The following ITLN2 variants were observed in gnomAD, a reference collection of about 807,000 sequenced individuals.
ITLN2 encodes intelectin-2.
Under a neutral mutation model 39.4 loss-of-function variants are expected in ITLN2, and 29 were observed. The observed-to-expected ratio is 0.74, with a 90% CI of 0.55 to 1.00. The LOEUF (loss-of-function observed/expected upper bound fraction) is 1.00, where lower values mean the gene tolerates loss of function less well. Ranked by LOEUF, ITLN2 falls within the 50% of genes least tolerant of loss-of-function variation. ITLN2 has a pLI of 0.00. For missense variants in ITLN2, 412 were observed against 416.7 expected (o/e 0.99, Z 0.10); for synonymous variants, 156 against 153.4 (o/e 1.02, Z -0.12).
intron 6 of ITLN2, chr1:160,948,899 G>A (rs943922192): frequency 3.3e-5 from 5 of 152,218 alleles, no homozygotes; most frequent in African/African-American, 7.2e-5. Flanking sequence ...AAAAGAAAGA[G>A]ACACAGCGAC....
chr1:160,946,974 T>A (rs180910912), intron 7 of ITLN2, among the ~76,000 whole-genome samples: 1 of 151,970 alleles, frequency 6.6e-6, no homozygotes, highest in African/African-American at 2.4e-5. Flanking sequence ...AGAAAAGAAA[T>A]AAGACACAGA....
At chr1:160,951,424 TC>T in intron 3 of ITLN2, 134 bp from the exon 4 acceptor site, 1 of 1,201,424 alleles carries the variant, frequency 8.3e-7, no homozygotes, top group Non-Finnish European at 1.2e-6. Context: ...AAGACGATGC[TC>T]CATGCATCTT....
At chr1:160,950,291 C>A in intron 5 of ITLN2, 125 bp from the exon 6 acceptor site, 1 of 1,079,348 alleles carries the variant, frequency 9.3e-7, no homozygotes, top group Admixed American at 2.2e-5. Flanking sequence ...GACTGCTTTT[C>A]CCCATAGCTG....
chr1:160,954,473 AG>A (rs1246273185), intron 1 of ITLN2, 23 bp from the exon 2 acceptor site: 2 of 1,557,630 alleles, frequency 1.3e-6, no homozygotes, highest in Non-Finnish European at 1.7e-6. Flanking sequence ...AAGATGCACA[AG>A]GTCACTGGCT....
At position 160,950,230 on chromosome 1, in the gene ITLN2, G is replaced by T. The variant is rs144795799; in HGVS notation, c.601-64C>A. 1,157 of 1,568,810 alleles carry T rather than the reference G, an allele frequency of 7.4e-4. 10 individuals carry two copies. In the African/African-American group the frequency reaches 0.014, roughly 18 times the overall value. On this transcript the variant is annotated intron_variant, in intron 5 of 7. Coordinates refer to ENST00000368029, the MANE Select transcript of ITLN2 (RefSeq NM_080878.3). ...GAGATGCTGCCACAGTGTGGGGGGA[G>T]GAGGGGTTTCAAATTAACTGCCATT... is the stretch of plus-strand genomic sequence containing the variant.
rs1056192888 is a variant in ITLN2 at position 160,945,126 on chromosome 1, C to T, written c.*14G>A. On this transcript the variant is annotated 3_prime_UTR_variant, in exon 8 of 8. Coordinates refer to ENST00000368029, the MANE Select transcript of ITLN2 (RefSeq NM_080878.3). ...GGAAGATGGGTTCTCGCCCTGACAC[C>T]GCAGAGCTCTGTCTCATCTATAGAA... 1.9e-5 allele frequency: 29 copies of T among 1,562,118 alleles called. No individual in the cohort carries two copies. Among genetic ancestry groups the T allele is most frequent in the Non-Finnish European group, 2.2e-5 (26 of 1,164,550 alleles).
chr1:160,950,498 C>T (rs769320816), intron 5 of ITLN2, 55 bp downstream of exon 5: 6 of 1,584,538 alleles, frequency 3.8e-6, no homozygotes, highest in Admixed American at 3.4e-5. Context: ...CTACCCTAGA[C>T]ACTTCGATCT....
In ITLN2 at chr1:160,947,984, C is replaced by G. The variant is rs373894051; in HGVS notation, c.770G>C (p.Arg257Thr). ...CCCAGCACAAAGGGCGTTGGCTGCT[C>G]TCTCGTTATTAAACACCCGGAACTG... ...FVQFRVFNNERAANALCAGIK... is the reference protein window; with the variant it reads ...FVQFRVFNNETAANALCAGIK... Residue 257 changes from arginine to threonine, a missense_variant, in exon 7 of 8, where the codon AGA (arginine) becomes ACA (threonine). Coordinates refer to ENST00000368029, the MANE Select transcript of ITLN2 (RefSeq NM_080878.3). 5.0e-5 allele frequency: 81 copies of G among 1,614,018 alleles called. 1 individual carries two copies. Among genetic ancestry groups the G allele is most frequent in the Non-Finnish European group, 5.3e-5 (63 of 1,180,042 alleles).
At chr1:160,949,305 C>G (rs948202708) in intron 6 of ITLN2, 4 of 152,172 alleles carry the variant, frequency 2.6e-5, no homozygotes, top group African/African-American at 9.7e-5. Context: ...AAGACAGATG[C>G]CTTCCTCTTA....
chr1:160,948,757 G>A (rs6694743), intron 6 of ITLN2: 94,863 of 151,966 alleles, frequency 0.62, 30,349 homozygotes, highest in East Asian at 0.74. Flanking sequence ...CTCCCGAGGA[G>A]CTGGGATTAC....
At chr1:160,945,830 C>T (rs1460486847) in intron 7 of ITLN2, among the ~76,000 whole-genome samples, 1 of 152,092 alleles carries the variant, frequency 6.6e-6, no homozygotes, top group Non-Finnish European at 1.5e-5. Context: ...AATCTCCCAC[C>T]ACTACAACTG....
chr1:160,954,686 T>C, intron 1 of ITLN2, 41 bp downstream of exon 1: 1 of 1,610,588 alleles, frequency 6.2e-7, no homozygotes, highest in Non-Finnish European at 8.5e-7. Context: ...TGAGCTGGCA[T>C]CATTGCTCCC....
chr1:160,947,916 C>A lies in ITLN2; in HGVS notation c.825+13G>T. On this transcript the variant is annotated intron_variant, in intron 7 of 7. Transcript: ENST00000368029. ...TCCCCACACGTGGGCCATTGATCTC[C>A]CCAAAAACTCACATGCTCAGTGTTA... 6.3e-7 allele frequency: 1 copy of A among 1,590,858 alleles called. No homozygotes were observed. Among genetic ancestry groups the A allele is most frequent in the Non-Finnish European group, 8.6e-7 (1 of 1,158,966 alleles).
rs369638611 is a variant in ITLN2, at chr1:160,945,295, G to A, written c.826-3C>T. The A allele has an allele frequency of 4.5e-6, 7 of 1,546,928 alleles. No homozygotes were observed. The highest frequency in any genetic ancestry group is 6.1e-6 in the Non-Finnish European group (7 of 1,156,994). ...AACCCTCCTCCACCGATGCAGTGCT[G>A]GGAAACAGAAAGAAGAAACACTGTG... On this transcript the variant is annotated splice_polypyrimidine_tract_variant and splice_region_variant and intron_variant, in intron 7 of 7. Coordinates refer to ENST00000368029, the MANE Select transcript of ITLN2 (RefSeq NM_080878.3).
chr1:160,945,426 T>A, intron 7 of ITLN2, 134 bp from the exon 8 acceptor site: 1 of 713,292 alleles, frequency 1.4e-6, no homozygotes, highest in Non-Finnish European at 2.2e-6. Flanking sequence ...GGATTACAGG[T>A]GTGAGCTACC....
intron 2 of ITLN2, 45 bp downstream of exon 2, chr1:160,954,342 G>A (rs1401198964): frequency 1.4e-6 from 2 of 1,394,812 alleles, no homozygotes; most frequent in Non-Finnish European, 2.0e-6. Flanking sequence ...GCACAGCAGA[G>A]GGGAGCCCAG....
chr1:160,951,122 T>A lies in ITLN2; in HGVS notation c.362A>T (p.Asp121Val), dbSNP rs1017021267. 1 of 1,614,068 alleles carries A rather than the reference T, an allele frequency of 6.2e-7. No individual in the cohort carries two copies. The highest frequency in any genetic ancestry group is 1.3e-5 in the African/African-American group (1 of 74,926). The part of the protein sequence containing the change: ...RWSSQQGNKA[D>V]YPEGDGNWAN... ...CCAGTTGCCATCCCCCTCTGGGTAG[T>A]CTGCTTTGTTGCCCTGCTGACTGGA... is the stretch of plus-strand genomic sequence containing the variant. Residue 121 changes from aspartate (D) to valine (V), a missense_variant, in exon 4 of 8, where the codon GAC (aspartate) becomes GTC (valine). Coordinates refer to ENST00000368029, the MANE Select transcript of ITLN2 (RefSeq NM_080878.3).
intron 6 of ITLN2, 22 bp downstream of exon 6, chr1:160,950,024 G>A (rs772366469): frequency 3.7e-6 from 6 of 1,608,238 alleles, no homozygotes; most frequent in East Asian, 4.5e-5. Context: ...TTTATGACTG[G>A]ACTTAGGGAG....
At chr1:160,948,658 C>T (rs1474998998) in intron 6 of ITLN2, 2 of 145,554 alleles carry the variant, frequency 1.4e-5, no homozygotes, top group Non-Finnish European at 3.0e-5. Flanking sequence ...CAGGGTTTCG[C>T]TCTTGTTGCC....
Sources: allele counts gnomAD v4.1 joint callset (sites outside exome capture counted in the v4.1 genomes callset), GRCh38; gene constraint gnomAD v4.1.1; transcripts MANE v1.5; gene names NCBI Gene and HGNC (gene_info 2026-07-23, HGNC 2026-07-21).